Variants in MCC observed in about 807,000 individuals in gnomAD.
MCC encodes the protein MCC regulator of Wnt signaling pathway.
Under a neutral mutation model 116.2 loss-of-function variants are expected in MCC, and 90 were observed. That is an observed-to-expected ratio of 0.77 (90% CI 0.65 to 0.92). MCC has a LOEUF of 0.92. Ranked by LOEUF, MCC falls within the 40% of genes least tolerant of loss-of-function variation. MCC has a pLI of 0.00. For synonymous variants in MCC, 578 were observed against 510.5 expected (o/e 1.13, Z -1.78); for missense variants, 1,516 against 1,312.2 (o/e 1.16, Z -2.40).
At chr5:113,480,463 TA>T (rs2150435575) in intron 1 of MCC, among the ~76,000 whole-genome samples, 1 of 152,380 alleles carries the variant, frequency 6.6e-6, no homozygotes, top group East Asian at 1.9e-4. Context: ...CCAACACAGT[TA>T]CCATTGCTTG....
At chr5:113,455,282 TGCC>T (rs758599148) in intron 1 of MCC, among the ~76,000 whole-genome samples, 1 of 152,202 alleles carries the variant, frequency 6.6e-6, no homozygotes, top group Non-Finnish European at 1.5e-5. Context: ...AAAGGCCACC[TGCC>T]TGCTAGCCCA....
Position 113,357,976 on chromosome 5 carries a change from T to A in MCC, c.416-17246A>T, listed in dbSNP as rs188114573. On this transcript the variant is annotated intron_variant, in intron 2 of 18. Transcript: ENST00000408903. Reference sequence around the variant, plus strand: ...CTTTTGTTCCTGCCCTAAAATTTTTTAAAAACTTTCTAAAAAACTTTCATT... The same window carrying A: ...CTTTTGTTCCTGCCCTAAAATTTTTAAAAAACTTTCTAAAAAACTTTCATT... Among the ~76,000 whole-genome samples, 154 of 152,334 alleles carry A rather than the reference T, an allele frequency of 1.0e-3. No individual in the cohort carries two copies. The East Asian group carries it at 0.022, about 22-fold the overall frequency.
rs754712979 is a variant in MCC, at chr5:113,043,557, G to C, written c.2729C>G (p.Ala910Gly). The C allele has an allele frequency of 1.2e-6, 2 of 1,614,058 alleles. No homozygotes were observed. ...LRTTCSENEL[A>G]AEFTNAIRRE... ...ACGAATGGCGTTGGTGAACTCCGCA[G>C]CCAGCTCATTCTCGCTGCACGTTGT... Residue 910 changes from alanine (A) to glycine (G), a missense_variant, in exon 17 of 19, where the codon GCT becomes GGT. Ala to Gly is a moderately conservative substitution (Grantham distance 60). Transcript: ENST00000408903.
At chr5:113,223,061 C>A (rs899530658) in intron 3 of MCC, among the ~76,000 whole-genome samples, 2 of 152,142 alleles carry the variant, frequency 1.3e-5, no homozygotes, top group South Asian at 2.1e-4. Context: ...TCCCAGGCAG[C>A]CAGGACTTCA....
chr5:113,258,731 G>T (rs1765115049), intron 3 of MCC, among the ~76,000 whole-genome samples: 1 of 152,200 alleles, frequency 6.6e-6, no homozygotes, highest in African/African-American at 2.4e-5. Flanking sequence ...GTTTGTGGTG[G>T]CAGTAACCAT....
intron 5 of MCC, among the ~76,000 whole-genome samples, chr5:113,136,154 T>A (rs955662052): frequency 6.6e-6 from 1 of 152,208 alleles, no homozygotes; most frequent in African/African-American, 2.4e-5. Context: ...TTGCTTCTGA[T>A]TACAGGCTAT....
At chr5:113,113,831 A>G (rs1757242323) in intron 6 of MCC, among the ~76,000 whole-genome samples, 1 of 152,084 alleles carries the variant, frequency 6.6e-6, no homozygotes, top group African/African-American at 2.4e-5. Context: ...AAGGAGAGTC[A>G]AAAGACATGA....
intron 3 of MCC, among the ~76,000 whole-genome samples, chr5:113,252,335 C>T (rs1003780017): frequency 3.3e-5 from 5 of 152,142 alleles, no homozygotes; most frequent in Non-Finnish European, 5.9e-5. Context: ...ACAGCTGCTC[C>T]CCATCACTCA....
chr5:113,433,751 C>G (rs866652443), intron 1 of MCC: 3 of 1,613,198 alleles, frequency 1.9e-6, no homozygotes, highest in Non-Finnish European at 2.5e-6. Flanking sequence ...GGGCCCGCGT[C>G]TCTGGAGGCT....
At chr5:113,043,487 T>G (rs753547020) in intron 17 of MCC, 43 bp downstream of exon 17, 38 of 1,531,058 alleles carry the variant, frequency 2.5e-5, no homozygotes, top group Non-Finnish European at 3.1e-5. Context: ...AAAGTCTCCA[T>G]GCCCAGGATA....
chr5:113,147,893 C>A (rs1759619622), intron 4 of MCC, among the ~76,000 whole-genome samples: 1 of 152,200 alleles, frequency 6.6e-6, no homozygotes, highest in African/African-American at 2.4e-5. Flanking sequence ...AAAACTCTTT[C>A]CATTTCACTT....
At chr5:113,154,844 G>C (rs1394658496) in intron 3 of MCC, among the ~76,000 whole-genome samples, 1 of 152,078 alleles carries the variant, frequency 6.6e-6, no homozygotes, top group African/African-American at 2.4e-5. Context: ...ATCAAATCAG[G>C]ATATTTAAAA....
chr5:113,156,385 C>G (rs1279109128), intron 3 of MCC, among the ~76,000 whole-genome samples: 1 of 152,152 alleles, frequency 6.6e-6, no homozygotes, highest in Non-Finnish European at 1.5e-5. Context: ...AGCAGGGTGG[C>G]TGGAACCAGG....
At chr5:113,294,415 C>A (rs777334312) in intron 3 of MCC, 2 of 1,612,728 alleles carry the variant, frequency 1.2e-6, no homozygotes, top group African/African-American at 1.3e-5. Flanking sequence ...GGCTCTCAGT[C>A]CCCCAGGTCT....
chr5:113,113,759 G>A (rs956003158), intron 6 of MCC, among the ~76,000 whole-genome samples: 3 of 151,290 alleles, frequency 2.0e-5, no homozygotes, highest in African/African-American at 4.9e-5. Context: ...CTAACCTGAC[G>A]TCCTCAAAAT....
rs112251727 is a variant in MCC at position 113,160,103 on chromosome 5, G to A, written c.628-8681C>T. Among the ~76,000 whole-genome samples the A allele has an allele frequency of 5.8e-3, 881 of 152,224 alleles. 12 individuals carry two copies. The highest frequency in any genetic ancestry group is 0.02 in the African/African-American group (827 of 41,518). On this transcript the variant is annotated intron_variant, in intron 3 of 18. Coordinates refer to ENST00000408903, the MANE Select transcript of MCC (RefSeq NM_001085377.2). ...CAGCAGTGGGACACCATTTATACAAGAAAGATTAACCCTACCCAAGGATGG... is the reference window on the plus strand; with the variant it reads ...CAGCAGTGGGACACCATTTATACAAAAAAGATTAACCCTACCCAAGGATGG...
At chr5:113,465,804 T>C (rs1288667270) in intron 1 of MCC, among the ~76,000 whole-genome samples, 1 of 152,192 alleles carries the variant, frequency 6.6e-6, no homozygotes, top group Non-Finnish European at 1.5e-5. Flanking sequence ...AATAATGTTA[T>C]ACCATATTCA....
chr5:113,284,528 G>T (rs1343570297), intron 3 of MCC, among the ~76,000 whole-genome samples: 2 of 152,180 alleles, frequency 1.3e-5, no homozygotes, highest in African/African-American at 4.8e-5. Flanking sequence ...AATAGAGGAA[G>T]TTGAGGCAGA....
At chr5:113,092,742 T>C (rs886873578) in intron 8 of MCC, among the ~76,000 whole-genome samples, 1 of 152,212 alleles carries the variant, frequency 6.6e-6, no homozygotes, top group African/African-American at 2.4e-5. Flanking sequence ...GAAATACTCC[T>C]TTGCTGCTGT....
Sources: allele counts gnomAD v4.1 joint callset (sites outside exome capture counted in the v4.1 genomes callset), GRCh38; gene constraint gnomAD v4.1.1; transcripts MANE v1.5; gene names NCBI Gene and HGNC (gene_info 2026-07-23, HGNC 2026-07-21).